LPAR1: variants seen among roughly 807,000 people sequenced by gnomAD.
LPAR1 encodes the protein LPA receptor 1.
In LPAR1, 5 loss-of-function variants were observed where a neutral mutation model predicts 23.8. That is an observed-to-expected ratio of 0.21 (90% CI 0.11 to 0.44). The LOEUF (loss-of-function observed/expected upper bound fraction) is 0.44. Among genes scored for constraint, LPAR1 ranks in the 20% least tolerant of loss-of-function variants. The probability of loss-of-function intolerance (pLI) is 0.99; values close to 1 mark genes in which losing one functional copy is unlikely to be tolerated. For missense variants in LPAR1, 311 were observed against 482.8 expected (o/e 0.64, Z 3.33); for synonymous variants, 160 against 164.7 (o/e 0.97, Z 0.22).
At chr9:110,943,119 T>A (rs2095227607) in intron 4 of LPAR1, among the ~76,000 whole-genome samples, 1 of 147,798 alleles carries the variant, frequency 6.8e-6, no homozygotes, top group Admixed American at 6.8e-5. Flanking sequence ...TATATAATTA[T>A]AATATGTAAT....
intron 2 of LPAR1, among the ~76,000 whole-genome samples, chr9:111,029,802 G>A (rs2097764277): frequency 6.6e-6 from 1 of 151,808 alleles, no homozygotes; most frequent in South Asian, 2.1e-4. Context: ...TGTAAACCCA[G>A]CACTTTGAGA....
chr9:110,971,654 GACA>G (rs1427017818), intron 4 of LPAR1, among the ~76,000 whole-genome samples: 2 of 152,048 alleles, frequency 1.3e-5, no homozygotes. Flanking sequence ...ATAGGAGGAG[GACA>G]ACAAGACAGC....
intron 2 of LPAR1, among the ~76,000 whole-genome samples, chr9:110,980,039 A>T (rs530519003): frequency 6.6e-6 from 1 of 152,202 alleles, no homozygotes; most frequent in Admixed American, 6.5e-5. Flanking sequence ...GATTCATAGA[A>T]TTCTACATGG....
intron 2 of LPAR1, among the ~76,000 whole-genome samples, chr9:111,021,096 T>G: frequency 6.6e-6 from 1 of 152,244 alleles, no homozygotes; most frequent in Non-Finnish European, 1.5e-5. Flanking sequence ...GAAATGTATT[T>G]GAATCAAATG....
At position 110,941,320 on chromosome 9, in the gene LPAR1, G is replaced by T; in HGVS notation, c.793+101C>A. 1 of 1,062,898 alleles carries T rather than the reference G, an allele frequency of 9.4e-7. No individual in the cohort carries two copies. Among genetic ancestry groups the T allele is most frequent in the Non-Finnish European group, 1.4e-6 (1 of 734,138 alleles). 65.8% of individuals were successfully genotyped at this position (1,062,898 alleles called of 1,614,324 possible). ...CCTTGTAATTCCTGGTGAATTACCT[G>T]GTGAATATTCATACTGTTGGTTACC... On this transcript the variant is annotated intron_variant, in intron 5 of 5. Coordinates refer to ENST00000683809, the MANE Select transcript of LPAR1 (RefSeq NM_001351411.2). This position sits in a 1 kb window ranked among gnomAD's most constrained non-coding sequence, Gnocchi z 6.1.
intron 2 of LPAR1, among the ~76,000 whole-genome samples, chr9:111,027,649 A>G (rs2097717574): frequency 6.6e-6 from 1 of 152,150 alleles, no homozygotes; most frequent in African/African-American, 2.4e-5. Flanking sequence ...GAAAGGTCAC[A>G]CAATTTTAAA....
intron 5 of LPAR1, among the ~76,000 whole-genome samples, chr9:110,927,795 A>C (rs2094147259): frequency 6.6e-6 from 1 of 152,210 alleles, no homozygotes; most frequent in Non-Finnish European, 1.5e-5. Flanking sequence ...CAATAAGTTA[A>C]GCCTTCATAC....
intron 5 of LPAR1, among the ~76,000 whole-genome samples, chr9:110,891,068 A>G (rs1412591861): frequency 6.6e-6 from 1 of 152,228 alleles, no homozygotes; most frequent in East Asian, 1.9e-4. Flanking sequence ...TAGTCAATGA[A>G]TTAAGCTGGA....
chr9:110,929,192 A>G (rs191762599), intron 5 of LPAR1, among the ~76,000 whole-genome samples: 57 of 152,230 alleles, frequency 3.7e-4, no homozygotes, highest in African/African-American at 1.3e-3. Context: ...TAACTCCTCT[A>G]TGGGTGCAGG....
At chr9:110,895,885 C>T (rs186340961) in intron 5 of LPAR1, among the ~76,000 whole-genome samples, 26 of 152,284 alleles carry the variant, frequency 1.7e-4, no homozygotes, top group African/African-American at 6.3e-4. Flanking sequence ...GTTGGCCCCA[C>T]GTGAAGAATG....
intron 2 of LPAR1, among the ~76,000 whole-genome samples, chr9:111,024,260 CT>C (rs2097635926): frequency 6.6e-6 from 1 of 151,700 alleles, no homozygotes; most frequent in African/African-American, 2.4e-5. Context: ...CCGTACAAAA[CT>C]ACCATTTTAT....
At chr9:110,971,275 A>G (rs1488296140) in intron 4 of LPAR1, among the ~76,000 whole-genome samples, 1 of 152,252 alleles carries the variant, frequency 6.6e-6, no homozygotes, top group African/African-American at 2.4e-5. Context: ...CCTCATGTAT[A>G]TGAACCATCA....
chr9:111,010,250 A>T (rs2097307958), intron 2 of LPAR1, among the ~76,000 whole-genome samples: 1 of 152,042 alleles, frequency 6.6e-6, no homozygotes, highest in Admixed American at 6.6e-5. Flanking sequence ...AGCTCTCATA[A>T]AGGTCTTGCA....
At chr9:111,013,121 A>C (rs1275083157) in intron 2 of LPAR1, among the ~76,000 whole-genome samples, 1 of 152,206 alleles carries the variant, frequency 6.6e-6, no homozygotes, top group African/African-American at 2.4e-5. Flanking sequence ...GATAAGGATC[A>C]AATTTATTTC....
At chr9:110,927,320 A>G (rs903906366) in intron 5 of LPAR1, among the ~76,000 whole-genome samples, 4 of 151,968 alleles carry the variant, frequency 2.6e-5, no homozygotes, top group African/African-American at 9.7e-5. Context: ...CACTTCCTAT[A>G]AAAAGAGCTC....
rs551847525 is a variant in LPAR1, at chr9:111,018,987, A to C, written c.-182+17135T>G. Among the ~76,000 whole-genome samples, 3 of 152,242 alleles carry C rather than the reference A, an allele frequency of 2.0e-5. No individual in the cohort carries two copies. In the East Asian group the frequency reaches 5.8e-4, roughly 29 times the overall value. ...TATAACAGTGTGTTAAAAAACAATC[A>C]GTAGAAATAAAAACACACATTTGTT... On this transcript the variant is annotated intron_variant, in intron 2 of 5. Coordinates refer to ENST00000683809, the MANE Select transcript of LPAR1 (RefSeq NM_001351411.2).
chr9:110,906,803 A>C (rs921279008), intron 5 of LPAR1, among the ~76,000 whole-genome samples: 2 of 152,176 alleles, frequency 1.3e-5, no homozygotes, highest in Non-Finnish European at 2.9e-5. Flanking sequence ...ATATCACATA[A>C]AGTAAATGAA....
intron 5 of LPAR1, among the ~76,000 whole-genome samples, chr9:110,898,371 T>C (rs765604609): frequency 5.3e-5 from 8 of 152,248 alleles, no homozygotes; most frequent in South Asian, 2.1e-4. Flanking sequence ...AACTTTTTTA[T>C]GTAGATTACC....
intron 5 of LPAR1, among the ~76,000 whole-genome samples, chr9:110,881,432 C>T (rs781078147): frequency 4.6e-5 from 7 of 152,128 alleles, no homozygotes; most frequent in Non-Finnish European, 8.8e-5. Context: ...ATTAGACTCT[C>T]CTGATCACCA....
Sources: gnomAD v4.1 joint callset for allele counts (sites outside exome capture counted in the v4.1 genomes callset) on GRCh38, gnomAD v4.1.1 for gene constraint, Gnocchi (gnomAD v3.1) non-coding constraint, MANE v1.5 for transcripts, NCBI Gene and HGNC (gene_info 2026-07-23, HGNC 2026-07-21) for gene names.